TG: variants seen among roughly 807,000 people sequenced by gnomAD.
TG encodes thyroglobulin.
A neutral mutation model predicts 324.7 loss-of-function variants in TG; 270 were observed. The ratio of observed to expected loss-of-function variants is 0.83; its 90% CI spans 0.75 to 0.92. TG has a LOEUF of 0.92. Ranked by LOEUF, TG falls within the 40% of genes least tolerant of loss-of-function variation. The pLI, the probability that TG is intolerant of heterozygous loss-of-function variation, is 0.00. For missense variants in TG, 3,591 were observed against 3,456.4 expected (o/e 1.04, Z -0.98); for synonymous variants, 1,401 against 1,327.0 (o/e 1.06, Z -1.21).
At chr8:133,087,303 C>T (rs557992351) in intron 41 of TG, among the ~76,000 whole-genome samples, 2 of 152,168 alleles carry the variant, frequency 1.3e-5, no homozygotes, top group Non-Finnish European at 2.9e-5. Context: ...TAAGGTCGCA[C>T]TGATGGATGT....
In TG at chr8:132,933,708, C is replaced by T. The variant is rs1306896737; in HGVS notation, c.4932+32C>T. On this transcript the variant is annotated intron_variant, in intron 24 of 47. Coordinates refer to ENST00000220616, the MANE Select transcript of TG (RefSeq NM_003235.5). ...TGGGGCAGCCACGTGTGGTTCTGCT[C>T]CTCATCCGCTGTGGATCAGATGTGC... is the stretch of plus-strand genomic sequence containing the variant. 7 of 1,594,364 alleles carry T rather than the reference C, an allele frequency of 4.4e-6. No homozygotes were observed. The African/African-American group carries it at 5.4e-5, about 12-fold the overall frequency.
chr8:133,017,210 G>A (rs1248061275), intron 37 of TG, among the ~76,000 whole-genome samples: 1 of 151,768 alleles, frequency 6.6e-6, no homozygotes, highest in African/African-American at 2.4e-5. Flanking sequence ...TGTAAATGTG[G>A]GCCTGCAACC....
At chr8:133,076,493 A>G (rs1046597121) in intron 41 of TG, among the ~76,000 whole-genome samples, 2 of 152,228 alleles carry the variant, frequency 1.3e-5, no homozygotes, top group African/African-American at 4.8e-5. Flanking sequence ...CAAAGGAACT[A>G]TTGCAAAAGA....
intron 5 of TG, among the ~76,000 whole-genome samples, chr8:132,877,431 C>T (rs913959591): frequency 4.6e-5 from 7 of 152,160 alleles, no homozygotes; most frequent in East Asian, 1.9e-4. Context: ...GAGCCATGCC[C>T]GGTACGGCCC....
At chr8:132,873,035 G>T (rs1040997066) in intron 4 of TG, 27 bp from the exon 5 acceptor site, 3 of 1,613,670 alleles carry the variant, frequency 1.9e-6, no homozygotes, top group Non-Finnish European at 2.5e-6. Flanking sequence ...TCATATATAA[G>T]GATTTTTTTT....
chr8:132,939,672 T>TTTTTG (rs1554674681), intron 25 of TG, among the ~76,000 whole-genome samples: 3,645 of 147,104 alleles, frequency 0.025, 157 homozygotes, highest in African/African-American at 0.085. Flanking sequence ...GGTTTTTTTT[T>TTTTTG]TTTGTTTGTT....
intron 41 of TG, chr8:133,039,856 C>G: frequency 1.4e-6 from 2 of 1,412,282 alleles, no homozygotes; most frequent in South Asian, 1.4e-5. Context: ...GGGTGCTCAC[C>G]CCCCAGTTTC....
chr8:133,113,933 G>A (rs1177425627), intron 44 of TG, among the ~76,000 whole-genome samples: 4 of 152,224 alleles, frequency 2.6e-5, no homozygotes, highest in Non-Finnish European at 4.4e-5. Context: ...ACCTGAAGCA[G>A]CCGCTCAGCA....
At chr8:133,058,582 A>G (rs977275207) in intron 41 of TG, among the ~76,000 whole-genome samples, 1 of 152,158 alleles carries the variant, frequency 6.6e-6, no homozygotes, top group Non-Finnish European at 1.5e-5. Flanking sequence ...GCCTGGGCTC[A>G]GGGCCCTGCG....
chr8:132,877,942 T>C (rs1342853279), intron 5 of TG, among the ~76,000 whole-genome samples: 2 of 151,006 alleles, frequency 1.3e-5, no homozygotes, highest in African/African-American at 4.9e-5. Context: ...TCTTCTGATA[T>C]GCCCAAAACA....
At position 132,967,816 on chromosome 8, in the gene TG, C is replaced by T. The variant is rs770612845; in HGVS notation, c.5709C>T (p.Phe1903=). ...CLSRCVQEHS[F]CQLAEITESA... ...TAGGTTGTGTGCAGGAGCACTCTTT[C>T]TGTCAGCTCGCAGAGATAACAGAGA... Residue 1903 remains phenylalanine, a synonymous_variant, in exon 31 of 48, where the codon TTC becomes TTT. Transcript: ENST00000220616. The T allele has an allele frequency of 6.2e-7, 1 of 1,613,890 alleles. No individual in the cohort carries two copies. The highest frequency in any genetic ancestry group is 8.5e-7 in the Non-Finnish European group (1 of 1,179,876).
chr8:132,955,649 T>C (rs1826756377), intron 27 of TG, among the ~76,000 whole-genome samples: 1 of 152,130 alleles, frequency 6.6e-6, no homozygotes, highest in African/African-American at 2.4e-5. Flanking sequence ...AGGCCGGTGG[T>C]GGTGGTGTTA....
intron 26 of TG, among the ~76,000 whole-genome samples, chr8:132,944,249 C>T (rs1345539447): frequency 1.3e-5 from 2 of 152,150 alleles, no homozygotes; most frequent in African/African-American, 4.8e-5. Context: ...ATCCCTGTCA[C>T]CTCAGTCTGC....
chr8:133,098,197 T>C (rs1485913902), intron 43 of TG, among the ~76,000 whole-genome samples: 1 of 152,216 alleles, frequency 6.6e-6, no homozygotes, highest in Non-Finnish European at 1.5e-5. Flanking sequence ...GAGTTTGTAG[T>C]CTCTAAAACA....
chr8:132,875,976 G>A (rs1813731844), intron 5 of TG, among the ~76,000 whole-genome samples: 1 of 152,152 alleles, frequency 6.6e-6, no homozygotes, highest in Admixed American at 6.5e-5. Flanking sequence ...ATACGAGACA[G>A]CAAGTTACGT....
chr8:133,034,245 T>C (rs1347934057), intron 41 of TG, among the ~76,000 whole-genome samples: 1 of 152,248 alleles, frequency 6.6e-6, no homozygotes, highest in Non-Finnish European at 1.5e-5. Flanking sequence ...AAGCCTTGCA[T>C]TCATGAATCA....
rs376208543 is a variant in TG, at chr8:133,029,996, C to G, written c.7212C>G (p.Ser2404=). ...IHLLTARATN[S]QLFRRAVLMG... is the part of the protein sequence containing the mutation. ...TTCTCACGGCCAGGGCCACCAACTC[C>G]CAACTTTTCCGGAGAGCTGTGCTGA... The change falls in exon 41 of 48, where the codon TCC becomes TCG. Residue 2404 remains serine, a synonymous_variant. Transcript: ENST00000220616. 14 of 1,614,106 alleles carry G rather than the reference C, an allele frequency of 8.7e-6. No individual in the cohort carries two copies. The African/African-American group carries it at 1.7e-4, about 20-fold the overall frequency.
intron 11 of TG, among the ~76,000 whole-genome samples, chr8:132,896,361 T>C (rs1456276542): frequency 6.6e-6 from 1 of 152,208 alleles, no homozygotes; most frequent in East Asian, 1.9e-4. Flanking sequence ...GGGCTCTGAC[T>C]GTGAGTTGGT....
At chr8:133,106,606 A>G (rs1849827096) in intron 43 of TG, 1 of 294,190 alleles carries the variant, frequency 3.4e-6, no homozygotes, top group Admixed American at 6.5e-5. Flanking sequence ...CGCATGTCTG[A>G]ACCCTACCCT....
Sources: gnomAD v4.1 joint callset for allele counts (sites outside exome capture counted in the v4.1 genomes callset) on GRCh38, gnomAD v4.1.1 for gene constraint, MANE v1.5 for transcripts, NCBI Gene and HGNC (gene_info 2026-07-23, HGNC 2026-07-21) for gene names.